The following ADAMTS19 variants were observed in gnomAD, a reference collection of about 807,000 sequenced individuals.
The protein encoded by ADAMTS19 is A disintegrin and metalloproteinase with thrombospondin motifs 19.
ADAMTS19 carries 93 observed loss-of-function variants against 153.3 expected under a neutral mutation model. That is an observed-to-expected ratio of 0.61 (90% confidence interval 0.51 to 0.72). The LOEUF is 0.72. Among genes scored for constraint, ADAMTS19 ranks in the 30% least tolerant of loss-of-function variants. The pLI, the probability that ADAMTS19 is intolerant of heterozygous loss-of-function variation, is 0.00. For missense variants in ADAMTS19, 1,482 were observed against 1,552.1 expected (o/e 0.95, Z 0.76); for synonymous variants, 600 against 556.6 (o/e 1.08, Z -1.10).
Position 129,535,148 on chromosome 5 carries a change from T to A in ADAMTS19, c.1328+6471T>A, listed in dbSNP as rs377485814. 4.8e-3 allele frequency among the ~76,000 whole-genome samples: 730 copies of A among 152,278 alleles called. 4 individuals are homozygous for A. Among genetic ancestry groups the A allele is most frequent in the Non-Finnish European group, 6.8e-3 (461 of 68,020 alleles). On this transcript the variant is annotated intron_variant, in intron 6 of 22. Coordinates refer to ENST00000274487, the MANE Select transcript of ADAMTS19 (RefSeq NM_133638.6). ...TGTCCCTGTTTGCAGATGACATGAT[T>A]GTATATCTAGAAAACCCCATCATCT...
intron 7 of ADAMTS19, among the ~76,000 whole-genome samples, chr5:129,566,414 T>C (rs987201932): frequency 6.6e-6 from 1 of 152,164 alleles, no homozygotes; most frequent in African/African-American, 2.4e-5. Flanking sequence ...CACCCTTCTC[T>C]CTCCCATTGA....
intron 15 of ADAMTS19, among the ~76,000 whole-genome samples, chr5:129,663,187 C>G (rs1196140910): frequency 6.6e-6 from 1 of 152,144 alleles, no homozygotes; most frequent in Non-Finnish European, 1.5e-5. Flanking sequence ...AGCCACCACG[C>G]CCGGCCCCAT....
At chr5:129,694,629 A>G in intron 18 of ADAMTS19, 91 bp from the exon 19 acceptor site, 1 of 977,500 alleles carries the variant, frequency 1.0e-6, no homozygotes, top group Non-Finnish European at 1.3e-6. Context: ...TTTTTTAAAT[A>G]AAAAATAAGC....
intron 15 of ADAMTS19, 65 bp downstream of exon 15, chr5:129,658,802 G>C (rs1753704902): frequency 6.8e-7 from 1 of 1,461,014 alleles, no homozygotes; most frequent in African/African-American, 1.4e-5. Flanking sequence ...AGATTATATT[G>C]AATTTAACTT....
At chr5:129,549,608 T>A (rs998193912) in intron 6 of ADAMTS19, among the ~76,000 whole-genome samples, 1 of 151,274 alleles carries the variant, frequency 6.6e-6, no homozygotes, top group Non-Finnish European at 1.5e-5. Flanking sequence ...ATAAGCACAA[T>A]GGAATTTTAA....
chr5:129,603,203 C>T (rs1174229681), intron 8 of ADAMTS19, among the ~76,000 whole-genome samples: 3 of 152,168 alleles, frequency 2.0e-5, no homozygotes. Context: ...TGCCACATAA[C>T]AGATGTGACA....
intron 15 of ADAMTS19, among the ~76,000 whole-genome samples, chr5:129,661,745 T>A (rs749078773): frequency 3.3e-5 from 5 of 152,230 alleles, no homozygotes; most frequent in Non-Finnish European, 7.3e-5. Context: ...TGGCCAGTTG[T>A]TGAAATGCAT....
At chr5:129,688,080 T>C (rs1008456539) in intron 18 of ADAMTS19, 1 of 152,162 alleles carries the variant, frequency 6.6e-6, no homozygotes, top group Non-Finnish European at 1.5e-5. Context: ...TTTTGGATAT[T>C]ATTTTCCTTT....
At chr5:129,586,219 T>C (rs1044276755) in intron 7 of ADAMTS19, among the ~76,000 whole-genome samples, 3 of 152,252 alleles carry the variant, frequency 2.0e-5, no homozygotes, top group African/African-American at 7.2e-5. Context: ...AATTCAGTCT[T>C]GGTATTTTAA....
chr5:129,515,888 G>C (rs1751588368), intron 3 of ADAMTS19, among the ~76,000 whole-genome samples: 1 of 151,764 alleles, frequency 6.6e-6, no homozygotes, highest in South Asian at 2.1e-4. Context: ...AAGTCTTTCT[G>C]TTTTTCCCCT....
intron 19 of ADAMTS19, among the ~76,000 whole-genome samples, chr5:129,697,271 C>A (rs1207010749): frequency 6.6e-6 from 1 of 152,142 alleles, no homozygotes; most frequent in Non-Finnish European, 1.5e-5. Flanking sequence ...TCTACCCACC[C>A]TCCTTTCATA....
intron 6 of ADAMTS19, among the ~76,000 whole-genome samples, chr5:129,546,806 T>C (rs1752876607): frequency 6.6e-6 from 1 of 151,106 alleles, no homozygotes; most frequent in Non-Finnish European, 1.5e-5. Context: ...AATAAATTGC[T>C]AAATAAATAG....
At chr5:129,717,809 A>T (rs1288690828) in intron 21 of ADAMTS19, among the ~76,000 whole-genome samples, 2 of 152,242 alleles carry the variant, frequency 1.3e-5, no homozygotes, top group Non-Finnish European at 2.9e-5. Flanking sequence ...GTGCTATTTT[A>T]AATCAAGACT....
chr5:129,698,566 G>A (rs1025185185), intron 19 of ADAMTS19, among the ~76,000 whole-genome samples: 29 of 152,172 alleles, frequency 1.9e-4, no homozygotes, highest in East Asian at 9.6e-4. Flanking sequence ...ATTAGAATAC[G>A]TTTTATATTT....
At chr5:129,722,540 T>C (rs963263504) in intron 21 of ADAMTS19, among the ~76,000 whole-genome samples, 11 of 152,226 alleles carry the variant, frequency 7.2e-5, no homozygotes, top group Non-Finnish European at 1.5e-4. Context: ...TCCCATTCTA[T>C]AGGTGGCCTT....
At chr5:129,714,148 G>A (rs1478256732) in intron 21 of ADAMTS19, among the ~76,000 whole-genome samples, 1 of 152,078 alleles carries the variant, frequency 6.6e-6, no homozygotes, top group East Asian at 1.9e-4. Context: ...GGCCGGGCGC[G>A]GTGGCTCACG....
chr5:129,491,267 G>A (rs994519964), intron 2 of ADAMTS19, among the ~76,000 whole-genome samples: 1 of 152,166 alleles, frequency 6.6e-6, no homozygotes, highest in Non-Finnish European at 1.5e-5. Flanking sequence ...ATCCCAAAGT[G>A]CTGAGATTAC....
intron 7 of ADAMTS19, among the ~76,000 whole-genome samples, chr5:129,564,822 C>T (rs894195229): frequency 2.0e-5 from 3 of 152,122 alleles, no homozygotes; most frequent in Non-Finnish European, 4.4e-5. Context: ...AGTCTCTGGG[C>T]CTCCAGCAGA....
At position 129,526,367 on chromosome 5, in the gene ADAMTS19, A is replaced by G; in HGVS notation, c.997A>G (p.Ile333Val). The change falls in exon 4 of 23, where the codon ATA becomes GTA. Residue 333 changes from isoleucine to valine, a missense_variant. Physicochemically the swap from Ile to Val is conservative, Grantham distance 29. Around this residue, in one of 2 missense-constraint regions of ADAMTS19, gnomAD observed 866 missense variants for 827.7 expected, o/e 1.05. Transcript: ENST00000274487. ...ATACAAATTACCTCAAGAATACAACATAGAGACTGTAGTGGTTGCAGACCC... is the reference window on the plus strand; with the variant it reads ...ATACAAATTACCTCAAGAATACAACGTAGAGACTGTAGTGGTTGCAGACCC... ...YSYKLPQEYNIETVVVADPAM... is the reference protein window; with the variant it reads ...YSYKLPQEYNVETVVVADPAM... 1 of 1,605,612 alleles carries G rather than the reference A, an allele frequency of 6.2e-7. No individual in the cohort carries two copies. The highest frequency in any genetic ancestry group is 1.7e-5 in the Admixed American group (1 of 58,466).
Sources: gnomAD v4.1 joint callset for allele counts (sites outside exome capture counted in the v4.1 genomes callset) on GRCh38, gnomAD v4.1.1 for gene constraint, gnomAD v4.1.1 regional missense constraint, MANE v1.5 for transcripts, NCBI Gene and HGNC (gene_info 2026-07-23, HGNC 2026-07-21) for gene names.